The following LOC128125817 variants were observed in gnomAD, a reference collection of about 807,000 sequenced individuals.
chr1:41,598,753 A>G, the LOC128125817 span, among the ~76,000 whole-genome samples: 11 of 152,206 alleles, frequency 7.2e-5, no homozygotes, highest in East Asian at 1.9e-4. Context: ...AAGAAGATCA[A>G]TGGAAACAGA....
the LOC128125817 span, among the ~76,000 whole-genome samples, chr1:41,594,208 G>A: frequency 6.6e-6 from 1 of 152,062 alleles, no homozygotes; most frequent in Admixed American, 6.6e-5. Context: ...GATATCTTAC[G>A]TTTCAGTTAT....
the LOC128125817 span, among the ~76,000 whole-genome samples, chr1:41,617,849 T>C: frequency 6.6e-5 from 10 of 151,672 alleles, no homozygotes; most frequent in African/African-American, 2.4e-4. Context: ...AAGATGCCAA[T>C]GGCTTTGGAA....
the LOC128125817 span, among the ~76,000 whole-genome samples, chr1:41,603,236 T>C: frequency 1.9e-3 from 291 of 151,944 alleles, 1 homozygote; most frequent in African/African-American, 6.6e-3. Context: ...TCAGCTACTT[T>C]TTTGTATCTT....
chr1:41,599,378 C>T, the LOC128125817 span, among the ~76,000 whole-genome samples: 4 of 152,132 alleles, frequency 2.6e-5, no homozygotes, highest in Non-Finnish European at 5.9e-5. Flanking sequence ...GATTGACAAA[C>T]GCGTAATCAC....
chr1:41,589,955 C>T, the LOC128125817 span, among the ~76,000 whole-genome samples: 1 of 152,224 alleles, frequency 6.6e-6, no homozygotes, highest in Non-Finnish European at 1.5e-5. Flanking sequence ...CACAAGGCCA[C>T]AGGCTGAAGA....
At chr1:41,599,037 G>A in the LOC128125817 span, among the ~76,000 whole-genome samples, 1 of 151,876 alleles carries the variant, frequency 6.6e-6, no homozygotes, top group East Asian at 1.9e-4. Context: ...AGCTGGTCTT[G>A]AACTCCTGGG....
chr1:41,591,230 C>T, the LOC128125817 span, among the ~76,000 whole-genome samples: 2 of 152,152 alleles, frequency 1.3e-5, no homozygotes, highest in Non-Finnish European at 2.9e-5. Flanking sequence ...AAGTCCCGGG[C>T]ACACAGCTGG....
chr1:41,605,923 G>A, the LOC128125817 span, among the ~76,000 whole-genome samples: 65 of 152,230 alleles, frequency 4.3e-4, no homozygotes, highest in Non-Finnish European at 7.2e-4. Context: ...ACCTTCTCAC[G>A]GTCATGATAC....
At chr1:41,597,941 A>G in the LOC128125817 span, among the ~76,000 whole-genome samples, 1 of 152,226 alleles carries the variant, frequency 6.6e-6, no homozygotes, top group East Asian at 1.9e-4. Flanking sequence ...TATCTAATGT[A>G]ATGTACATAG....
the LOC128125817 span, among the ~76,000 whole-genome samples, chr1:41,627,259 G>A: frequency 6.6e-6 from 1 of 152,190 alleles, no homozygotes; most frequent in Non-Finnish European, 1.5e-5. Context: ...GCAACCCTGC[G>A]AGGCAGGTAT....
the LOC128125817 span, among the ~76,000 whole-genome samples, chr1:41,605,113 A>G: frequency 1.4e-5 from 2 of 145,908 alleles, no homozygotes; most frequent in Non-Finnish European, 3.0e-5. Context: ...TCCAATAAAA[A>G]AAAAAAAAAA....
the LOC128125817 span, among the ~76,000 whole-genome samples, chr1:41,586,027 C>T: frequency 6.6e-6 from 1 of 152,218 alleles, no homozygotes; most frequent in Non-Finnish European, 1.5e-5. Flanking sequence ...CCTGTGAGAA[C>T]TTACAATCTG....
the LOC128125817 span, among the ~76,000 whole-genome samples, chr1:41,594,631 A>C: frequency 6.6e-6 from 1 of 151,886 alleles, no homozygotes; most frequent in African/African-American, 2.4e-5. Flanking sequence ...GTTTACATAA[A>C]CTCTTTTGAT....
At chr1:41,597,363 C>T in the LOC128125817 span, among the ~76,000 whole-genome samples, 1 of 152,168 alleles carries the variant, frequency 6.6e-6, no homozygotes, top group South Asian at 2.1e-4. Context: ...TGCAGAGGCC[C>T]AGATTTCCCC....
chr1:41,591,899 G>A, the LOC128125817 span, among the ~76,000 whole-genome samples: 10 of 152,190 alleles, frequency 6.6e-5, no homozygotes, highest in Admixed American at 2.0e-4. Flanking sequence ...CAACGAGAGC[G>A]GGCTGGGAAG....
chr1:41,586,031 C>G, the LOC128125817 span, among the ~76,000 whole-genome samples: 1 of 152,236 alleles, frequency 6.6e-6, no homozygotes, highest in Non-Finnish European at 1.5e-5. Flanking sequence ...TGAGAACTTA[C>G]AATCTGACAC....
At chr1:41,623,537 C>G in the LOC128125817 span, among the ~76,000 whole-genome samples, 1 of 152,200 alleles carries the variant, frequency 6.6e-6, no homozygotes, top group Non-Finnish European at 1.5e-5. Context: ...GTTTTTCTAT[C>G]CCCTTGAGGC....
At chr1:41,611,003 C>T in the LOC128125817 span, among the ~76,000 whole-genome samples, 1 of 152,120 alleles carries the variant, frequency 6.6e-6, no homozygotes, top group African/African-American at 2.4e-5. Context: ...TTCATACAGG[C>T]TTTCTTCCAT....
At chr1:41,600,155 T>C in the LOC128125817 span, among the ~76,000 whole-genome samples, 1 of 152,224 alleles carries the variant, frequency 6.6e-6, no homozygotes, top group African/African-American at 2.4e-5. Context: ...GAAAACACTG[T>C]GGTAGTTCCT....
Sources: allele counts gnomAD v4.1 joint callset (sites outside exome capture counted in the v4.1 genomes callset), GRCh38; gene constraint gnomAD v4.1.1; transcripts MANE v1.5.